The following NTM variants were observed in gnomAD, a reference collection of about 807,000 sequenced individuals.
NTM encodes neurotrimin.
NTM carries 13 observed loss-of-function variants against 42.1 expected under a neutral mutation model. The observed-to-expected ratio is 0.31, with a 90% CI of 0.20 to 0.49. NTM has a LOEUF of 0.49. Among genes scored for constraint, NTM ranks in the 20% least tolerant of loss-of-function variants. NTM has a pLI of 0.99. For missense variants in NTM, 373 were observed against 452.8 expected (o/e 0.82, Z 1.60); for synonymous variants, 187 against 179.2 (o/e 1.04, Z -0.35).
At chr11:131,403,456 T>C (rs1945468609) in intron 1 of NTM, among the ~76,000 whole-genome samples, 1 of 151,822 alleles carries the variant, frequency 6.6e-6, no homozygotes, top group African/African-American at 2.4e-5. Context: ...TGACACCACC[T>C]ATCCACTTTC....
Position 131,789,824 on chromosome 11 carries a change from C to T in NTM, c.83-121740C>T, listed in dbSNP as rs545119964. On this transcript the variant is annotated intron_variant, in intron 1 of 8. Transcript: ENST00000683400. ...ACAAAAAATTAGCCGGGTGTGGTGG[C>T]GGGAGCCTGTAGTCCCAGCTACACG... Among the ~76,000 whole-genome samples, 1,332 of 150,608 alleles carry T rather than the reference C, an allele frequency of 8.8e-3. 23 individuals carry two copies. The highest frequency in any genetic ancestry group is 0.03 in the African/African-American group (1,247 of 41,256).
chr11:132,124,639 G>A (rs1236623997), intron 2 of NTM, among the ~76,000 whole-genome samples: 1 of 152,150 alleles, frequency 6.6e-6, no homozygotes, highest in Non-Finnish European at 1.5e-5. Flanking sequence ...GCACGCGCAG[G>A]GCGGGGTTGC....
Position 132,123,068 on chromosome 11 carries a change from C to T in NTM, c.168-23214C>T, listed in dbSNP as rs573588130. On this transcript the variant is annotated intron_variant, in intron 2 of 8. Transcript: ENST00000683400. ...TTCCTATCTTCTCTTCTGTGCATCT[C>T]CCCGTCAGCCTTGCTTCTCTGCATC... Among the ~76,000 whole-genome samples, 5 of 152,298 alleles carry T rather than the reference C, an allele frequency of 3.3e-5. No individual in the cohort carries two copies. In the South Asian group the frequency reaches 8.3e-4, roughly 25 times the overall value.
chr11:131,873,537 T>TGTGTGTATATATACGTATATATATACC (rs1565657182), intron 1 of NTM, among the ~76,000 whole-genome samples: 1 of 72,112 alleles, frequency 1.4e-5, no homozygotes, highest in African/African-American at 3.8e-5. Context: ...TGTGTGTGTG[T>TGTGTGTATATATACGTATATATATACC]GTATATATAT....
At chr11:131,593,865 G>C (rs1424572222) in intron 1 of NTM, among the ~76,000 whole-genome samples, 1 of 152,154 alleles carries the variant, frequency 6.6e-6, no homozygotes, top group East Asian at 1.9e-4. Context: ...TCTGCTACTA[G>C]ACTGTAAGCA....
chr11:131,785,873 C>T (rs917280895), intron 1 of NTM, among the ~76,000 whole-genome samples: 3 of 152,204 alleles, frequency 2.0e-5, no homozygotes, highest in African/African-American at 7.2e-5. Context: ...TTAGGATAGC[C>T]TTTGGCGAGT....
intron 2 of NTM, among the ~76,000 whole-genome samples, chr11:131,982,011 CAAAAAT>C (rs922030251): frequency 1.2e-4 from 18 of 150,216 alleles, no homozygotes; most frequent in African/African-American, 4.4e-4. Context: ...GACTCCATCT[CAAAAAT>C]AAAAAAGAAA....
chr11:132,188,339 G>A (rs1304740590), intron 3 of NTM, among the ~76,000 whole-genome samples: 1 of 152,112 alleles, frequency 6.6e-6, no homozygotes, highest in Non-Finnish European at 1.5e-5. Flanking sequence ...CCTGGCTGAG[G>A]GGCCAGAAAC....
At chr11:131,789,648 G>A (rs2090522262) in intron 1 of NTM, among the ~76,000 whole-genome samples, 1 of 134,966 alleles carries the variant, frequency 7.4e-6, no homozygotes, top group Non-Finnish European at 1.6e-5. Flanking sequence ...AGAAGAAGAA[G>A]AAGAAGAAGA....
In NTM at chr11:131,863,686, G is replaced by A. The variant is rs563069069; in HGVS notation, c.83-47878G>A. On this transcript the variant is annotated intron_variant, in intron 1 of 8. Coordinates refer to ENST00000683400, the MANE Select transcript of NTM (RefSeq NM_001352005.2). ...TGTCCTGTCTGACGTCCACAAGAGC[G>A]GGATATGGAGAAACATGAGCACAGA... Among the ~76,000 whole-genome samples the A allele has an allele frequency of 6.6e-5, 10 of 152,260 alleles. No homozygotes were observed. The South Asian group carries it at 8.3e-4, about 13-fold the overall frequency.
At chr11:132,227,050 A>G (rs1472590491) in intron 4 of NTM, among the ~76,000 whole-genome samples, 1 of 152,288 alleles carries the variant, frequency 6.6e-6, no homozygotes, top group Non-Finnish European at 1.5e-5. Context: ...GGGAATCCTA[A>G]CCATACAGGT....
intron 2 of NTM, among the ~76,000 whole-genome samples, chr11:132,115,483 C>T (rs2063753879): frequency 6.6e-6 from 1 of 152,034 alleles, no homozygotes; most frequent in Non-Finnish European, 1.5e-5. Flanking sequence ...AAAAGAAATA[C>T]AATAAGATTA....
chr11:132,082,646 C>T (rs977763342), intron 2 of NTM, among the ~76,000 whole-genome samples: 6 of 152,136 alleles, frequency 3.9e-5, no homozygotes, highest in African/African-American at 1.2e-4. Flanking sequence ...TCTATGATTC[C>T]CCCATGTAAA....
At chr11:131,829,463 A>C (rs192120709) in intron 1 of NTM, among the ~76,000 whole-genome samples, 2 of 152,202 alleles carry the variant, frequency 1.3e-5, no homozygotes, top group South Asian at 4.1e-4. Context: ...TCCTGCATTA[A>C]TTCACTTAGG....
intron 1 of NTM, among the ~76,000 whole-genome samples, chr11:131,556,023 C>T (rs370773134): frequency 1.3e-5 from 2 of 152,198 alleles, no homozygotes; most frequent in South Asian, 2.1e-4. Context: ...AAGTTTCTTG[C>T]GTTTGCCAGA....
At chr11:131,707,306 T>C (rs867346439) in intron 1 of NTM, among the ~76,000 whole-genome samples, 3 of 152,232 alleles carry the variant, frequency 2.0e-5, no homozygotes, top group Middle Eastern at 3.4e-3. Context: ...GGTTCATTCA[T>C]ATTGTTACGA....
At chr11:132,175,303 A>G (rs926321113) in intron 3 of NTM, among the ~76,000 whole-genome samples, 1 of 151,794 alleles carries the variant, frequency 6.6e-6, no homozygotes, top group Non-Finnish European at 1.5e-5. Flanking sequence ...CTGTCACCTC[A>G]TGGTCCACCC....
intron 4 of NTM, among the ~76,000 whole-genome samples, chr11:132,224,831 G>A (rs2085874973): frequency 6.6e-6 from 1 of 152,228 alleles, no homozygotes; most frequent in African/African-American, 2.4e-5. Context: ...GGATGGGAGT[G>A]AGGGTGGAGG....
At position 132,321,235 on chromosome 11, in the gene NTM, G is replaced by A. The variant is rs138175296; in HGVS notation, c.934+6532G>A. On this transcript the variant is annotated intron_variant, in intron 7 of 8. Coordinates refer to ENST00000683400, the MANE Select transcript of NTM (RefSeq NM_001352005.2). ...AGACAATCAAATTGCTCTGAGCTAC[G>A]GGAGGACATTTCAAACCAAAGGCAA... Among the ~76,000 whole-genome samples, 356 of 152,244 alleles carry A rather than the reference G, an allele frequency of 2.3e-3. 1 individual carries two copies. Among genetic ancestry groups the A allele is most frequent in the African/African-American group, 7.9e-3 (330 of 41,540 alleles).
Sources: gnomAD v4.1 joint callset for allele counts (sites outside exome capture counted in the v4.1 genomes callset) on GRCh38, gnomAD v4.1.1 for gene constraint, MANE v1.5 for transcripts, NCBI Gene and HGNC (gene_info 2026-07-23, HGNC 2026-07-21) for gene names.